FHIT: variants seen among roughly 807,000 people sequenced by gnomAD.
The protein encoded by FHIT is bis(5'-adenosyl)-triphosphatase.
In FHIT, 19 loss-of-function variants were observed where a neutral mutation model predicts 17.9. The ratio of observed to expected loss-of-function variants is 1.06; its 90% CI spans 0.74 to 1.56. The LOEUF (loss-of-function observed/expected upper bound fraction) is 1.56. Ranked by LOEUF, FHIT falls within the 40% of genes most tolerant of loss-of-function variation. The pLI is 0.00. For synonymous variants in FHIT, 81 were observed against 69.7 expected (o/e 1.16, Z -0.81); for missense variants, 248 against 189.2 (o/e 1.31, Z -1.82).
At chr3:61,183,669 T>C (rs2038413529) in intron 2 of FHIT, among the ~76,000 whole-genome samples, 2 of 152,178 alleles carry the variant, frequency 1.3e-5, no homozygotes, top group African/African-American at 4.8e-5. Flanking sequence ...AAAGTGACTG[T>C]AGTATATCAA....
At chr3:61,211,009 A>C (rs2039448645) in intron 1 of FHIT, among the ~76,000 whole-genome samples, 1 of 151,978 alleles carries the variant, frequency 6.6e-6, no homozygotes, top group African/African-American at 2.4e-5. Context: ...TAAAAATAAA[A>C]GTGGTGGCTG....
chr3:60,636,297 T>C (rs920546164), intron 4 of FHIT, among the ~76,000 whole-genome samples: 4 of 152,116 alleles, frequency 2.6e-5, no homozygotes, highest in African/African-American at 9.7e-5. Context: ...TCTCGATCTC[T>C]TGACCTCATG....
chr3:60,169,078 C>T (rs1701306911), intron 5 of FHIT, among the ~76,000 whole-genome samples: 2 of 152,106 alleles, frequency 1.3e-5, no homozygotes, highest in Admixed American at 1.3e-4. Flanking sequence ...TTCTCTTCAA[C>T]CAAATAAGAA....
At chr3:60,789,066 A>T (rs568777589) in intron 4 of FHIT, among the ~76,000 whole-genome samples, 8 of 151,560 alleles carry the variant, frequency 5.3e-5, no homozygotes, top group South Asian at 4.2e-4. Flanking sequence ...GTTGAAAAAA[A>T]ATATATACAT....
chr3:59,795,668 G>A (rs762900606), intron 8 of FHIT, among the ~76,000 whole-genome samples: 12 of 151,686 alleles, frequency 7.9e-5, no homozygotes, highest in Non-Finnish European at 1.6e-4. Flanking sequence ...TTGAGGCTGC[G>A]GTGAGCTATG....
chr3:60,337,329 A>C (rs553285818), intron 5 of FHIT, among the ~76,000 whole-genome samples: 1 of 152,218 alleles, frequency 6.6e-6, no homozygotes, highest in East Asian at 1.9e-4. Context: ...CTGCTTCTGG[A>C]ATCTGAAAAA....
At chr3:60,117,398 A>AT (rs1181471268) in intron 5 of FHIT, among the ~76,000 whole-genome samples, 1 of 150,224 alleles carries the variant, frequency 6.7e-6, no homozygotes, top group Non-Finnish European at 1.5e-5. Flanking sequence ...GAGGATTTAA[A>AT]TTTTTTTATT....
chr3:60,871,817 A>T (rs1028715413), intron 3 of FHIT, among the ~76,000 whole-genome samples: 21 of 151,566 alleles, frequency 1.4e-4, no homozygotes, highest in African/African-American at 5.1e-4. Flanking sequence ...TTTTGAATGT[A>T]TTTATTTATT....
chr3:60,289,730 C>G (rs7628314), intron 5 of FHIT, among the ~76,000 whole-genome samples: 3,725 of 152,220 alleles, frequency 0.024, 64 homozygotes, highest in Middle Eastern at 0.044. Flanking sequence ...AAATGATGTT[C>G]CGTGTTCTCC....
At chr3:60,690,948 C>CA (rs1197011408) in intron 4 of FHIT, among the ~76,000 whole-genome samples, 15 of 147,738 alleles carry the variant, frequency 1.0e-4, no homozygotes, top group Non-Finnish European at 2.0e-4. Flanking sequence ...ATAGTGTGGC[C>CA]AAAAAAAAAA....
intron 8 of FHIT, among the ~76,000 whole-genome samples, chr3:59,903,032 G>T (rs900188779): frequency 6.6e-6 from 1 of 152,082 alleles, no homozygotes; most frequent in Non-Finnish European, 1.5e-5. Context: ...CAATGTATAC[G>T]TATGTTAAAT....
At chr3:60,221,316 G>C (rs1236739647) in intron 5 of FHIT, among the ~76,000 whole-genome samples, 3 of 151,978 alleles carry the variant, frequency 2.0e-5, no homozygotes, top group Non-Finnish European at 4.4e-5. Flanking sequence ...CATAATAGTA[G>C]ACAACTTCAC....
chr3:60,041,908 C>G (rs1701454882), intron 5 of FHIT, among the ~76,000 whole-genome samples: 1 of 152,188 alleles, frequency 6.6e-6, no homozygotes, highest in South Asian at 2.1e-4. Flanking sequence ...TTTATCCCTT[C>G]TAATTCTTAT....
At chr3:59,992,444 C>A (rs1699321852) in intron 7 of FHIT, among the ~76,000 whole-genome samples, 1 of 152,074 alleles carries the variant, frequency 6.6e-6, no homozygotes, top group Admixed American at 6.6e-5. Context: ...GTACAGTCTT[C>A]ACTAAATCCA....
chr3:60,430,846 T>G (rs376099691), intron 5 of FHIT, among the ~76,000 whole-genome samples: 1 of 152,072 alleles, frequency 6.6e-6, no homozygotes, highest in South Asian at 2.1e-4. Context: ...AAGCCAATAG[T>G]TGCAAGGGTG....
At chr3:60,384,843 A>C (rs1010548300) in intron 5 of FHIT, among the ~76,000 whole-genome samples, 1 of 121,858 alleles carries the variant, frequency 8.2e-6, no homozygotes, top group Admixed American at 1.1e-4. Flanking sequence ...TAGTAAAAAA[A>C]AAAAAAAAAA....
intron 5 of FHIT, among the ~76,000 whole-genome samples, chr3:60,357,370 AGTAG>A (rs1699716924): frequency 6.6e-6 from 1 of 151,880 alleles, no homozygotes; most frequent in South Asian, 2.1e-4. Flanking sequence ...CCCATTCTTG[AGTAG>A]CTGGGATTAC....
intron 1 of FHIT, among the ~76,000 whole-genome samples, chr3:61,213,146 C>T (rs1016331998): frequency 6.6e-6 from 1 of 152,196 alleles, no homozygotes; most frequent in African/African-American, 2.4e-5. Flanking sequence ...ATCAAATTCA[C>T]ACATAACAAT....
intron 4 of FHIT, among the ~76,000 whole-genome samples, chr3:60,810,472 T>G (rs1272188504): frequency 6.6e-6 from 1 of 152,200 alleles, no homozygotes; most frequent in African/African-American, 2.4e-5. Context: ...CATGATTTAA[T>G]GAGCATATAC....
Sources: gnomAD v4.1 joint callset for allele counts (sites outside exome capture counted in the v4.1 genomes callset) on GRCh38, gnomAD v4.1.1 for gene constraint, MANE v1.5 for transcripts, NCBI Gene and HGNC (gene_info 2026-07-23, HGNC 2026-07-21) for gene names.